NCAM1: variants seen among roughly 807,000 people sequenced by gnomAD.
NCAM1 encodes antigen recognized by monoclonal antibody 5.1H11.
In NCAM1, 14 loss-of-function variants were observed where a neutral mutation model predicts 109.8. The observed-to-expected ratio is 0.13, with a 90% confidence interval of 0.08 to 0.20. The LOEUF is 0.20. Among genes scored for constraint, NCAM1 ranks in the 10% least tolerant of loss-of-function variants. The probability of loss-of-function intolerance (pLI) is 1.00; values close to 1 mark genes in which losing one functional copy is unlikely to be tolerated. For missense variants in NCAM1, 774 were observed against 1,109.9 expected (o/e 0.70, Z 4.30); for synonymous variants, 418 against 442.9 (o/e 0.94, Z 0.70).
chr11:113,157,770 CAA>C (rs1198964977), intron 1 of NCAM1, among the ~76,000 whole-genome samples: 2 of 151,988 alleles, frequency 1.3e-5, no homozygotes, highest in Non-Finnish European at 2.9e-5. Context: ...CAAAAAGTAT[CAA>C]GAGGCGCTTT....
intron 1 of NCAM1, among the ~76,000 whole-genome samples, chr11:113,049,326 C>T (rs1435792556): frequency 1.3e-5 from 2 of 152,312 alleles, no homozygotes; most frequent in East Asian, 3.9e-4. Context: ...GGGCCTGATT[C>T]ATCCTGATCT....
At chr11:113,108,728 A>T (rs1555093011) in intron 1 of NCAM1, among the ~76,000 whole-genome samples, 1 of 151,156 alleles carries the variant, frequency 6.6e-6, no homozygotes, top group Non-Finnish European at 1.5e-5. Flanking sequence ...TTAATGGGGT[A>T]GGGTCCAGAG....
intron 1 of NCAM1, among the ~76,000 whole-genome samples, chr11:113,183,304 C>T (rs1236188835): frequency 6.6e-6 from 1 of 152,200 alleles, no homozygotes; most frequent in East Asian, 1.9e-4. Flanking sequence ...TGCCCTGCCA[C>T]GTGTGCACAG....
intron 1 of NCAM1, among the ~76,000 whole-genome samples, chr11:113,043,587 C>T (rs150732885): frequency 3.0e-3 from 452 of 152,260 alleles, no homozygotes; most frequent in African/African-American, 0.01. Context: ...CTGCCCGTCT[C>T]GGCCTCTCAA....
intron 15 of NCAM1, among the ~76,000 whole-genome samples, chr11:113,249,091 C>G (rs915806838): frequency 2.6e-5 from 4 of 152,216 alleles, no homozygotes; most frequent in Non-Finnish European, 5.9e-5. Context: ...GGCGCCCTCC[C>G]CAGCCATTCA....
chr11:113,072,144 C>CA (rs561401400), intron 1 of NCAM1, among the ~76,000 whole-genome samples: 3 of 151,870 alleles, frequency 2.0e-5, no homozygotes, highest in Non-Finnish European at 4.4e-5. Flanking sequence ...GAATACATCT[C>CA]AAAAAAAATT....
chr11:113,134,004 A>G (rs1401629421), intron 1 of NCAM1: 1 of 152,100 alleles, frequency 6.6e-6, no homozygotes, highest in Non-Finnish European at 1.5e-5. Context: ...AAAAACATAT[A>G]AAATTGACCA....
Position 113,207,814 on chromosome 11 carries a change from G to C in NCAM1, c.747-19G>C. 2 of 1,598,940 alleles carry C rather than the reference G, an allele frequency of 1.3e-6. No individual in the cohort carries two copies. Among genetic ancestry groups the C allele is most frequent in the Non-Finnish European group, 1.7e-6 (2 of 1,170,776 alleles). ...TCTGTGGTCGAAATCATGCTACTTT[G>C]CATTTCTACATGCTCTAGGGATGGG... On this transcript the variant is annotated intron_variant, in intron 6 of 19. Transcript: ENST00000316851.
At chr11:113,216,766 C>T (rs1018821152) in intron 8 of NCAM1, among the ~76,000 whole-genome samples, 2 of 152,138 alleles carry the variant, frequency 1.3e-5, no homozygotes, top group Non-Finnish European at 2.9e-5. Flanking sequence ...CTAAGTGAAA[C>T]CCTATATAAG....
At chr11:113,188,960 C>T (rs1378018917) in intron 1 of NCAM1, among the ~76,000 whole-genome samples, 2 of 152,106 alleles carry the variant, frequency 1.3e-5, no homozygotes, top group South Asian at 4.2e-4. Context: ...TAAACTTCCA[C>T]CTCCAGAAAA....
At chr11:113,270,470 T>A in intron 18 of NCAM1, 75 bp downstream of exon 18, 1 of 1,387,360 alleles carries the variant, frequency 7.2e-7, no homozygotes, top group Non-Finnish European at 1.0e-6. Flanking sequence ...TGCACCACCC[T>A]GCGCCATCAG....
chr11:112,984,166 G>A (rs546107443), intron 1 of NCAM1, among the ~76,000 whole-genome samples: 25 of 151,904 alleles, frequency 1.6e-4, no homozygotes, highest in African/African-American at 4.8e-4. Context: ...TATTTTCCTC[G>A]TGTGTCTGGC....
intron 1 of NCAM1, among the ~76,000 whole-genome samples, chr11:113,170,448 A>G (rs1942954583): frequency 6.6e-6 from 1 of 152,190 alleles, no homozygotes. Context: ...GACAAAGAGC[A>G]AAAAAACAAG....
chr11:112,987,896 AG>A (rs1261342645), intron 1 of NCAM1, among the ~76,000 whole-genome samples: 63 of 152,132 alleles, frequency 4.1e-4, no homozygotes, highest in Non-Finnish European at 8.2e-4. Context: ...TTTGCATTCA[AG>A]GTAATTATTA....
chr11:113,085,144 C>T (rs1939020393), intron 1 of NCAM1, among the ~76,000 whole-genome samples: 1 of 152,216 alleles, frequency 6.6e-6, no homozygotes, highest in African/African-American at 2.4e-5. Context: ...AGCATTTCCA[C>T]CCATAAAGGG....
chr11:113,243,937 G>A (rs1401134272), intron 14 of NCAM1: 2 of 167,446 alleles, frequency 1.2e-5, no homozygotes, highest in Middle Eastern at 2.8e-3. Flanking sequence ...TGCTTTCTTG[G>A]TGTTCCCTCC....
chr11:113,115,839 T>C (rs1481614348), intron 1 of NCAM1, among the ~76,000 whole-genome samples: 1 of 152,244 alleles, frequency 6.6e-6, no homozygotes, highest in African/African-American at 2.4e-5. Context: ...TGGTGGGATG[T>C]CTCTTTCTTA....
At chr11:113,211,959 C>T (rs1263378756) in intron 7 of NCAM1, among the ~76,000 whole-genome samples, 1 of 152,138 alleles carries the variant, frequency 6.6e-6, no homozygotes, top group East Asian at 1.9e-4. Flanking sequence ...AACAGGGATC[C>T]AAAAGCCAAG....
chr11:113,202,968 C>T (rs1371093406), intron 2 of NCAM1, among the ~76,000 whole-genome samples: 1 of 152,146 alleles, frequency 6.6e-6, no homozygotes, highest in Non-Finnish European at 1.5e-5. Flanking sequence ...TTGTGAATAT[C>T]GATATTCTGT....
Sources: allele counts gnomAD v4.1 joint callset (sites outside exome capture counted in the v4.1 genomes callset), GRCh38; gene constraint gnomAD v4.1.1; transcripts MANE v1.5; gene names NCBI Gene and HGNC (gene_info 2026-07-23, HGNC 2026-07-21).